TFB1M: variants seen among roughly 807,000 people sequenced by gnomAD.
TFB1M encodes the protein transcription factor B1, mitochondrial, also known as dimethyladenosine transferase 1, mitochondrial.
In TFB1M, 27 loss-of-function variants were observed where a neutral mutation model predicts 31.1. The ratio of observed to expected loss-of-function variants is 0.87; its 90% CI spans 0.64 to 1.20. The LOEUF is 1.20. Among genes scored for constraint, TFB1M ranks in the 50% most tolerant of loss-of-function variants. The pLI, the probability that TFB1M is intolerant of heterozygous loss-of-function variation, is 0.00. For synonymous variants in TFB1M, 166 were observed against 151.8 expected (o/e 1.09, Z -0.69); for missense variants, 394 against 418.7 (o/e 0.94, Z 0.51).
In TFB1M at chr6:155,298,384, A is replaced by G. The variant is rs923287898; in HGVS notation, c.394+93T>C. 9.6e-6 allele frequency: 7 copies of G among 731,498 alleles called. No individual in the cohort carries two copies. In the Admixed American group the frequency reaches 1.2e-4, roughly 13 times the overall value. 45.3% of individuals were successfully genotyped at this position (731,498 alleles called of 1,614,324 possible). ...TTCAGATAATTTAAAATATAAACAT[A>G]TAAGACATTTGTAATAAATGTATCA... On this transcript the variant is annotated intron_variant, in intron 3 of 6. Transcript: ENST00000367166.
rs1157396227 is a variant in TFB1M at position 155,257,353 on chromosome 6, A to AGCAGGTATCAAATGATTTAG, written c.*463_*482dup. The AGCAGGTATCAAATGATTTAG allele has an allele frequency of 1.9e-6, 1 of 523,752 alleles. No homozygotes were observed. The allele number at this position is 523,752 out of a possible 1,614,324, so 32.4% of individuals were successfully genotyped here. A position where few individuals can be genotyped will look rare whatever the true frequency, so the allele number is the denominator to read the frequency against. On this transcript the variant is annotated 3_prime_UTR_variant, in exon 7 of 7. Coordinates refer to ENST00000367166, the MANE Select transcript of TFB1M (RefSeq NM_016020.4). Reference sequence around the variant, plus strand: ...AATTACTTAGTTTATATCCACTTTGAGCAGGTATCAAATGATTTAGGATCC... The same window carrying AGCAGGTATCAAATGATTTAG: ...AATTACTTAGTTTATATCCACTTTGAGCAGGTATCAAATGATTTAGGCAGGTATCAAATGATTTAGGATCC...
intron 5 of TFB1M, among the ~76,000 whole-genome samples, chr6:155,277,090 A>G (rs1785262917): frequency 6.6e-6 from 1 of 152,254 alleles, no homozygotes; most frequent in African/African-American, 2.4e-5. Flanking sequence ...AAGCTAAGTG[A>G]TAAGAACAAA....
At chr6:155,289,752 C>T (rs1776819019) in intron 4 of TFB1M, among the ~76,000 whole-genome samples, 1 of 152,146 alleles carries the variant, frequency 6.6e-6, no homozygotes, top group African/African-American at 2.4e-5. Flanking sequence ...GAATTACTGT[C>T]CCTGCCCAAA....
At chr6:155,249,917 A>G in the TFB1M span, 8 of 1,614,080 alleles carry the variant, frequency 5.0e-6, no homozygotes, top group African/African-American at 2.7e-5. Flanking sequence ...TATGAGGATT[A>G]TGGGACCGTG....
In TFB1M at chr6:155,298,464, C is replaced by T. The variant is rs759544427; in HGVS notation, c.394+13G>A. On this transcript the variant is annotated intron_variant, in intron 3 of 6. Coordinates refer to ENST00000367166, the MANE Select transcript of TFB1M (RefSeq NM_016020.4). ...ATAAAAGAAATGTTTTATAACTACC[C>T]AAAAGCACTCACCATCTTCCCAGGG... The T allele has an allele frequency of 1.1e-5, 15 of 1,400,506 alleles. No individual in the cohort carries two copies. In the South Asian group the frequency reaches 1.7e-4, roughly 16 times the overall value. 86.8% of individuals were successfully genotyped at this position (1,400,506 alleles called of 1,614,324 possible).
At chr6:155,310,874 T>C (rs1024338462) in intron 2 of TFB1M, 1 of 295,322 alleles carries the variant, frequency 3.4e-6, no homozygotes, top group African/African-American at 2.2e-5. Context: ...TTTGAAGGAA[T>C]GGGCCACGAC....
At chr6:155,260,571 G>A (rs1398624408) in intron 5 of TFB1M, 171 bp from the exon 6 acceptor site, 2 of 799,944 alleles carry the variant, frequency 2.5e-6, no homozygotes, top group Non-Finnish European at 4.1e-6. Flanking sequence ...GGTACATTCT[G>A]GATTCGCAAA....
At chr6:155,305,579 ATT>A (rs1455705836) in intron 2 of TFB1M, among the ~76,000 whole-genome samples, 31 of 61,948 alleles carry the variant, frequency 5.0e-4, no homozygotes, top group East Asian at 8.3e-4. Context: ...TTATATATAT[ATT>A]AAATTATATA....
downstream of TFB1M, chr6:155,252,894 C>A: frequency 6.7e-7 from 1 of 1,490,554 alleles, no homozygotes; most frequent in Non-Finnish European, 9.4e-7. Context: ...TGCACACATC[C>A]TCCCTCAGTG....
the TFB1M span, chr6:155,240,422 T>G: frequency 1.7e-5 from 21 of 1,241,582 alleles, no homozygotes; most frequent in African/African-American, 2.7e-4. Flanking sequence ...CAGAGGCCCC[T>G]CTGAGATCCC....
chr6:155,257,150 T>C lies in TFB1M; in HGVS notation c.*686A>G. ...GATTCAATCCAGATATGGGTTAAATTCCTCATTTTACTTTTAAACTGGTGG... is the reference window on the plus strand; with the variant it reads ...GATTCAATCCAGATATGGGTTAAATCCCTCATTTTACTTTTAAACTGGTGG... On this transcript the variant is annotated 3_prime_UTR_variant, in exon 7 of 7. Coordinates refer to ENST00000367166, the MANE Select transcript of TFB1M (RefSeq NM_016020.4). 1 of 1,580,810 alleles carries C rather than the reference T, an allele frequency of 6.3e-7. No individual in the cohort carries two copies. The highest frequency in any genetic ancestry group is 8.6e-7 in the Non-Finnish European group (1 of 1,157,676).
the TFB1M span, among the ~76,000 whole-genome samples, chr6:155,238,059 C>T: frequency 6.6e-6 from 1 of 152,234 alleles, no homozygotes; most frequent in South Asian, 2.1e-4. Flanking sequence ...CTCTATAAGG[C>T]TGAATGCCTT....
rs929400723 is a variant in TFB1M, at chr6:155,257,703, G to GTAAA, written c.*129_*132dup. The GTAAA allele has an allele frequency of 4.6e-6, 5 of 1,091,552 alleles. No individual in the cohort carries two copies. The highest frequency in any genetic ancestry group is 6.7e-6 in the Non-Finnish European group (5 of 745,220). 67.6% of individuals were successfully genotyped at this position (1,091,552 alleles called of 1,614,324 possible). On this transcript the variant is annotated 3_prime_UTR_variant, in exon 7 of 7. Coordinates refer to ENST00000367166, the MANE Select transcript of TFB1M (RefSeq NM_016020.4). ...TTTATTTTCTCTGCCAAGCTGTATA[G>GTAAA]TAAAAGGAAAATAAGTCACATCTGG...
the TFB1M span, among the ~76,000 whole-genome samples, chr6:155,234,979 GAGCTAGAGACGGAGCAC>G: frequency 3.3e-5 from 5 of 152,136 alleles, no homozygotes; most frequent in Admixed American, 2.0e-4. Context: ...GAGGGGAACA[GAGCTAGAGACGGAGCAC>G]AGCTAGAGAT....
At chr6:155,299,476 T>C (rs1777332338) in intron 2 of TFB1M, 1 of 152,150 alleles carries the variant, frequency 6.6e-6, no homozygotes, top group Admixed American at 6.5e-5. Flanking sequence ...TAGTTAAATA[T>C]TAAAAAAGTC....
At chr6:155,308,498 C>T (rs1777882534) in intron 2 of TFB1M, among the ~76,000 whole-genome samples, 1 of 152,172 alleles carries the variant, frequency 6.6e-6, no homozygotes, top group Admixed American at 6.5e-5. Context: ...TAAGAGCAAA[C>T]TGAGGCACAG....
intron 2 of TFB1M, chr6:155,299,489 T>C (rs1777332834): frequency 6.6e-6 from 1 of 152,208 alleles, no homozygotes; most frequent in South Asian, 2.1e-4. Flanking sequence ...AAAAAGTCTC[T>C]GAGCTTATAA....
intron 1 of TFB1M, among the ~76,000 whole-genome samples, chr6:155,312,105 T>C (rs145470148): frequency 3.5e-4 from 53 of 152,294 alleles, no homozygotes; most frequent in Non-Finnish European, 4.9e-4. Context: ...TTCTGAGATA[T>C]GGAAATCCAA....
intron 5 of TFB1M, among the ~76,000 whole-genome samples, chr6:155,283,589 T>C (rs1442919677): frequency 6.6e-6 from 1 of 152,142 alleles, no homozygotes; most frequent in Non-Finnish European, 1.5e-5. Context: ...ACTTCGAAAC[T>C]CCATCAAATA....
Sources: allele counts gnomAD v4.1 joint callset (sites outside exome capture counted in the v4.1 genomes callset), GRCh38; gene constraint gnomAD v4.1.1; transcripts MANE v1.5; gene names NCBI Gene and HGNC (gene_info 2026-07-23, HGNC 2026-07-21).